The following METTL15 variants were observed in gnomAD, a reference collection of about 807,000 sequenced individuals.
METTL15 encodes 12S rRNA N(4)-cytidine methyltransferase METTL15.
In METTL15, 34 loss-of-function variants were observed where a neutral mutation model predicts 38.3. The observed-to-expected ratio is 0.89, with a 90% CI of 0.68 to 1.18. The LOEUF is 1.18. Ranked by LOEUF, METTL15 falls within the 50% of genes most tolerant of loss-of-function variation. METTL15 has a pLI of 0.00. For missense variants in METTL15, 438 were observed against 498.4 expected (o/e 0.88, Z 1.15); for synonymous variants, 162 against 170.9 (o/e 0.95, Z 0.41).
intron 5 of METTL15, among the ~76,000 whole-genome samples, chr11:28,372,718 A>T (rs1426994722): frequency 1.3e-5 from 2 of 149,456 alleles, no homozygotes; most frequent in African/African-American, 4.9e-5. Context: ...TGCTGCACCC[A>T]CTAACTAGTC....
intron 5 of METTL15, chr11:28,410,769 A>G (rs1850717768): frequency 6.6e-6 from 1 of 152,088 alleles, no homozygotes; most frequent in African/African-American, 2.4e-5. Context: ...AAATACTGGC[A>G]AGAAAAATTA....
chr11:28,152,811 A>G (rs1280375950), intron 3 of METTL15, among the ~76,000 whole-genome samples: 1 of 152,062 alleles, frequency 6.6e-6, no homozygotes, highest in African/African-American at 2.4e-5. Context: ...TAGGCAGAGC[A>G]GCCCTAAGGG....
chr11:28,426,653 T>C (rs1850868253), intron 6 of METTL15, among the ~76,000 whole-genome samples: 1 of 150,486 alleles, frequency 6.6e-6, no homozygotes, highest in South Asian at 2.2e-4. Flanking sequence ...TGGTATCTCA[T>C]TGTGGTTTTG....
intron 6 of METTL15, among the ~76,000 whole-genome samples, chr11:28,329,009 G>A (rs1319642679): frequency 1.3e-5 from 2 of 152,012 alleles, no homozygotes; most frequent in African/African-American, 2.4e-5. Flanking sequence ...CACAATTTTG[G>A]TGTCATATCT....
intron 4 of METTL15, among the ~76,000 whole-genome samples, chr11:28,238,202 C>G (rs918171169): frequency 6.6e-6 from 1 of 152,152 alleles, no homozygotes; most frequent in Non-Finnish European, 1.5e-5. Flanking sequence ...GTGCCCTGCC[C>G]CCAGAGGTGG....
At chr11:28,233,232 A>T (rs1021378825) in intron 4 of METTL15, among the ~76,000 whole-genome samples, 1 of 152,104 alleles carries the variant, frequency 6.6e-6, no homozygotes, top group African/African-American at 2.4e-5. Context: ...GTTAGGACAT[A>T]ATATACTGCT....
intron 5 of METTL15, among the ~76,000 whole-genome samples, chr11:28,363,478 T>G (rs1430415249): frequency 6.6e-6 from 1 of 152,214 alleles, no homozygotes; most frequent in East Asian, 1.9e-4. Context: ...AGCCTTCACT[T>G]GTATGTCTTC....
intron 5 of METTL15, among the ~76,000 whole-genome samples, chr11:28,382,366 C>G (rs1201269874): frequency 2.0e-5 from 3 of 152,114 alleles, no homozygotes; most frequent in Non-Finnish European, 4.4e-5. Flanking sequence ...CATTTAGGCA[C>G]TTGTGATGTT....
At chr11:28,158,045 C>T (rs917853040) in intron 3 of METTL15, among the ~76,000 whole-genome samples, 4 of 152,076 alleles carry the variant, frequency 2.6e-5, no homozygotes, top group African/African-American at 9.7e-5. Context: ...GAGAAATGAC[C>T]AGATGTGTGA....
At chr11:28,335,725 T>C (rs1165363683), downstream of METTL15, among the ~76,000 whole-genome samples, 2 of 152,134 alleles carry the variant, frequency 1.3e-5, no homozygotes, top group Non-Finnish European at 2.9e-5. Context: ...CTCCCTCTTC[T>C]CTCTTGCTCC....
At chr11:28,300,331 A>G (rs1856870658) in intron 6 of METTL15, among the ~76,000 whole-genome samples, 1 of 152,156 alleles carries the variant, frequency 6.6e-6, no homozygotes, top group African/African-American at 2.4e-5. Context: ...ATCCATATTG[A>G]TGGAAATATA....
chr11:28,365,201 T>A (rs773572448), intron 5 of METTL15, among the ~76,000 whole-genome samples: 9 of 152,198 alleles, frequency 5.9e-5, no homozygotes, highest in Non-Finnish European at 8.8e-5. Flanking sequence ...ATAGAATGAG[T>A]TAGCGAGAAA....
At chr11:28,438,847 G>A (rs181560375) in intron 6 of METTL15, among the ~76,000 whole-genome samples, 182 of 151,522 alleles carry the variant, frequency 1.2e-3, no homozygotes, top group African/African-American at 4.3e-3. Flanking sequence ...GCTAATTTTT[G>A]TATTTTAGTA....
At chr11:28,499,837 T>C (rs974190226) in intron 6 of METTL15, among the ~76,000 whole-genome samples, 1 of 152,142 alleles carries the variant, frequency 6.6e-6, no homozygotes, top group Non-Finnish European at 1.5e-5. Flanking sequence ...CCTTCAACAG[T>C]CATAAGAAAA....
At chr11:28,256,004 A>G (rs1854957972) in intron 4 of METTL15, among the ~76,000 whole-genome samples, 1 of 152,192 alleles carries the variant, frequency 6.6e-6, no homozygotes, top group South Asian at 2.1e-4. Context: ...TGCCTGGCCA[A>G]TTGATTTTCA....
intron 5 of METTL15, among the ~76,000 whole-genome samples, chr11:28,423,541 A>G (rs964597718): frequency 6.6e-6 from 1 of 152,112 alleles, no homozygotes; most frequent in East Asian, 1.9e-4. Flanking sequence ...ATGAGACCCT[A>G]TCATTTGCAA....
At chr11:28,421,289 GA>G (rs1016384731) in intron 5 of METTL15, among the ~76,000 whole-genome samples, 1 of 151,970 alleles carries the variant, frequency 6.6e-6, no homozygotes, top group African/African-American at 2.4e-5. Flanking sequence ...AACATTTAAA[GA>G]AGAACTAATA....
intron 5 of METTL15, among the ~76,000 whole-genome samples, chr11:28,376,697 T>C (rs1850316835): frequency 1.3e-5 from 2 of 151,974 alleles, no homozygotes; most frequent in African/African-American, 4.8e-5. Context: ...TTTGATCCTG[T>C]CATTATGATG....
intron 5 of METTL15, among the ~76,000 whole-genome samples, chr11:28,384,005 A>G (rs11030310): frequency 0.41 from 61,505 of 151,510 alleles, 14,285 homozygotes; most frequent in Admixed American, 0.53. Flanking sequence ...ATTCCCTTCT[A>G]TGTGTCCCTG....
Sources: gnomAD v4.1 joint callset for allele counts (sites outside exome capture counted in the v4.1 genomes callset) on GRCh38, gnomAD v4.1.1 for gene constraint, MANE v1.5 for transcripts, NCBI Gene and HGNC (gene_info 2026-07-23, HGNC 2026-07-21) for gene names.